COLEC12: variants seen among roughly 807,000 people sequenced by gnomAD.
The protein encoded by COLEC12 is collectin-12.
Under a neutral mutation model 71.1 loss-of-function variants are expected in COLEC12, and 33 were observed. That is an observed-to-expected ratio of 0.46 (90% CI 0.35 to 0.62). The LOEUF (loss-of-function observed/expected upper bound fraction) is 0.62, where lower values mean the gene tolerates loss of function less well. COLEC12 is among the 20% of genes least tolerant of loss of function. COLEC12 has a pLI of 0.00. For synonymous variants in COLEC12, 350 were observed against 353.0 expected, an observed-to-expected ratio of 0.99 and a Z score of 0.10; for missense variants, 765 against 916.1, an observed-to-expected ratio of 0.84 and a Z score of 2.13.
rs561949443 is a variant in COLEC12 at position 482,271 on chromosome 18, C to T, written c.8-1514G>A. On this transcript the variant is annotated intron_variant, in intron 1 of 9. Coordinates refer to ENST00000400256, the MANE Select transcript of COLEC12 (RefSeq NM_130386.3). ...TGGGATTACAGGCACCCGCCACTAC[C>T]CTCCGCTAATTTTTGTAATTTCAGT... is the stretch of plus-strand genomic sequence containing the variant. 1.2e-3 allele frequency among the ~76,000 whole-genome samples: 175 copies of T among 151,806 alleles called. 2 individuals carry two copies. The highest frequency in any genetic ancestry group is 5.9e-4 in the Non-Finnish European group (40 of 67,926).
intron 2 of COLEC12, among the ~76,000 whole-genome samples, chr18:401,969 C>T (rs900216869): frequency 4.6e-5 from 7 of 152,116 alleles, no homozygotes; most frequent in African/African-American, 1.4e-4. Context: ...CAGCAGAAAA[C>T]GTGATATACT....
chr18:424,917 G>C (rs562767099), intron 2 of COLEC12, among the ~76,000 whole-genome samples: 2 of 152,220 alleles, frequency 1.3e-5, no homozygotes, highest in African/African-American at 4.8e-5. Context: ...GCTGAGCAGG[G>C]TGTGCTGGGT....
chr18:335,681 G>A (rs537692578), intron 5 of COLEC12, among the ~76,000 whole-genome samples: 3 of 152,268 alleles, frequency 2.0e-5, no homozygotes, highest in South Asian at 2.1e-4. Flanking sequence ...TTGGACTTGC[G>A]GCCTCCAGAA....
chr18:419,514 T>C (rs1916055570), intron 2 of COLEC12, among the ~76,000 whole-genome samples: 1 of 152,228 alleles, frequency 6.6e-6, no homozygotes, highest in African/African-American at 2.4e-5. Flanking sequence ...CCTGTATATA[T>C]TTTAAATGAT....
At chr18:373,997 G>A (rs1567888581) in intron 2 of COLEC12, among the ~76,000 whole-genome samples, 2 of 152,142 alleles carry the variant, frequency 1.3e-5, no homozygotes, top group South Asian at 2.1e-4. Context: ...AGGGGATAAG[G>A]GGCTTCCAAA....
At chr18:466,652 C>T (rs190776655) in intron 2 of COLEC12, among the ~76,000 whole-genome samples, 131 of 152,312 alleles carry the variant, frequency 8.6e-4, no homozygotes, top group Admixed American at 8.5e-4. Context: ...GTTACTCTTC[C>T]TTTCTCAAAT....
intron 2 of COLEC12, among the ~76,000 whole-genome samples, chr18:425,546 CAT>C (rs1419147841): frequency 6.6e-6 from 1 of 152,170 alleles, no homozygotes; most frequent in Non-Finnish European, 1.5e-5. Context: ...TCTCTTTGTA[CAT>C]GATCACCAGG....
rs187548371 is a variant in COLEC12, at chr18:406,337, G to A, written c.59-48815C>T. 4.9e-3 allele frequency among the ~76,000 whole-genome samples: 747 copies of A among 151,844 alleles called. 6 individuals carry two copies. The highest frequency in any genetic ancestry group is 0.031 in the South Asian group (149 of 4,802). Reference sequence around the variant, plus strand: ...ATCCTGGCTAACAAGGTGAAACCCCGTCTCTACTAAAAATACAAAAAATTA... The same window carrying A: ...ATCCTGGCTAACAAGGTGAAACCCCATCTCTACTAAAAATACAAAAAATTA... On this transcript the variant is annotated intron_variant, in intron 2 of 9. Coordinates refer to ENST00000400256, the MANE Select transcript of COLEC12 (RefSeq NM_130386.3).
chr18:429,316 A>C (rs1916256387), intron 2 of COLEC12, among the ~76,000 whole-genome samples: 1 of 152,228 alleles, frequency 6.6e-6, no homozygotes, highest in African/African-American at 2.4e-5. Flanking sequence ...AATGCCAGAC[A>C]ATCTCTACAG....
chr18:360,076 G>A (rs1317718458), intron 2 of COLEC12, among the ~76,000 whole-genome samples: 1 of 152,122 alleles, frequency 6.6e-6, no homozygotes, highest in Admixed American at 6.5e-5. Context: ...TTAGAGCAGT[G>A]CTTCTCAAAC....
intron 5 of COLEC12, among the ~76,000 whole-genome samples, chr18:340,657 T>C (rs1914230746): frequency 6.6e-6 from 1 of 152,162 alleles, no homozygotes; most frequent in African/African-American, 2.4e-5. Context: ...TCTTAGAGAC[T>C]CAATGTTAAG....
intron 2 of COLEC12, among the ~76,000 whole-genome samples, chr18:392,986 C>A (rs540772344): frequency 1.3e-5 from 2 of 152,208 alleles, no homozygotes; most frequent in East Asian, 3.9e-4. Context: ...TTTTAAGAGC[C>A]CTGTTGTAAG....
rs560217251 is a variant in COLEC12, at chr18:350,297, C to T, written c.182-2134G>A. 7.7e-4 allele frequency among the ~76,000 whole-genome samples: 117 copies of T among 152,260 alleles called. 1 individual carries two copies. The highest frequency in any genetic ancestry group is 6.8e-3 in the Middle Eastern group (2 of 294). ...TTTTCATCTTTCTCACTTTCTCTTGCTGCTGCCGTGTAAGAAGTGCCTTTT... is the reference window on the plus strand; with the variant it reads ...TTTTCATCTTTCTCACTTTCTCTTGTTGCTGCCGTGTAAGAAGTGCCTTTT... On this transcript the variant is annotated intron_variant, in intron 3 of 9. Coordinates refer to ENST00000400256, the MANE Select transcript of COLEC12 (RefSeq NM_130386.3).
intron 2 of COLEC12, among the ~76,000 whole-genome samples, chr18:370,400 C>T (rs1336720861): frequency 6.6e-6 from 1 of 152,184 alleles, no homozygotes; most frequent in Non-Finnish European, 1.5e-5. Flanking sequence ...GTTAAACGGG[C>T]TTAAAGAAGA....
chr18:415,275 C>A (rs919161679), intron 2 of COLEC12, among the ~76,000 whole-genome samples: 3 of 152,218 alleles, frequency 2.0e-5, no homozygotes, highest in Non-Finnish European at 2.9e-5. Flanking sequence ...AACTCGAAGT[C>A]AGGAACTAGC....
At chr18:375,329 C>G (rs918952714) in intron 2 of COLEC12, among the ~76,000 whole-genome samples, 2 of 152,208 alleles carry the variant, frequency 1.3e-5, no homozygotes, top group African/African-American at 4.8e-5. Flanking sequence ...TGGGCCGTTT[C>G]CTCTGCCTAG....
intron 2 of COLEC12, among the ~76,000 whole-genome samples, chr18:446,393 A>G (rs1916650833): frequency 6.6e-6 from 1 of 152,116 alleles, no homozygotes; most frequent in African/African-American, 2.4e-5. Flanking sequence ...TATGATATTT[A>G]ACTTTTTACT....
At chr18:444,687 G>A (rs12962668) in intron 2 of COLEC12, among the ~76,000 whole-genome samples, 68,372 of 151,796 alleles carry the variant, frequency 0.45, 15,686 homozygotes, top group East Asian at 0.66. Context: ...AAATATAGGC[G>A]CGAAAACAAG....
In COLEC12 at chr18:427,014, G is replaced by C. The variant is rs550162638; in HGVS notation, c.58+53693C>G. On this transcript the variant is annotated intron_variant, in intron 2 of 9. Coordinates refer to ENST00000400256, the MANE Select transcript of COLEC12 (RefSeq NM_130386.3). Reference sequence around the variant, plus strand: ...AAGGTAGACACTTGTGTCCCTCTGGGATGGCTGTGCGTGGCAGGCTGCAGT... The same window carrying C: ...AAGGTAGACACTTGTGTCCCTCTGGCATGGCTGTGCGTGGCAGGCTGCAGT... Among the ~76,000 whole-genome samples, 3 of 152,340 alleles carry C rather than the reference G, an allele frequency of 2.0e-5. No individual in the cohort carries two copies. The East Asian group carries it at 5.8e-4, about 29-fold the overall frequency.
Sources: gnomAD v4.1 joint callset for allele counts (sites outside exome capture counted in the v4.1 genomes callset) on GRCh38, gnomAD v4.1.1 for gene constraint, MANE v1.5 for transcripts, NCBI Gene and HGNC (gene_info 2026-07-23, HGNC 2026-07-21) for gene names.